ADAMTSL1: variants seen among roughly 807,000 people sequenced by gnomAD.
ADAMTSL1 encodes ADAMTS-like protein 1.
Under a neutral mutation model 201.8 loss-of-function variants are expected in ADAMTSL1, and 126 were observed. That is an observed-to-expected ratio of 0.62 (90% CI 0.54 to 0.72). ADAMTSL1 has a LOEUF of 0.72. ADAMTSL1 is among the 30% of genes least tolerant of loss of function. The pLI, the probability that ADAMTSL1 is intolerant of heterozygous loss-of-function variation, is 0.00. For missense variants in ADAMTSL1, 2,679 were observed against 2,277.8 expected, an observed-to-expected ratio of 1.18 and a Z score of -3.59; for synonymous variants, 1,121 against 903.4, an observed-to-expected ratio of 1.24 and a Z score of -4.32.
At chr9:18,045,620 A>G (rs925826728) in intron 1 of ADAMTSL1, among the ~76,000 whole-genome samples, 14 of 152,142 alleles carry the variant, frequency 9.2e-5, no homozygotes, top group African/African-American at 2.4e-4. Flanking sequence ...CCTTCCATAG[A>G]AATTCTCACA....
intron 1 of ADAMTSL1, among the ~76,000 whole-genome samples, chr9:17,947,516 C>A (rs1269905115): frequency 2.0e-5 from 3 of 152,012 alleles, no homozygotes; most frequent in African/African-American, 7.2e-5. Flanking sequence ...GTATTTGTAT[C>A]ACAAAAACAA....
At chr9:17,975,184 G>A (rs2131443236) in intron 1 of ADAMTSL1, among the ~76,000 whole-genome samples, 1 of 151,880 alleles carries the variant, frequency 6.6e-6, no homozygotes, top group Non-Finnish European at 1.5e-5. Context: ...GTCCATTCAG[G>A]TTCTTTGGCA....
intron 2 of ADAMTSL1, among the ~76,000 whole-genome samples, chr9:18,514,785 T>C (rs950634636): frequency 2.0e-5 from 3 of 152,220 alleles, no homozygotes; most frequent in Non-Finnish European, 4.4e-5. Context: ...CTTTTATTTA[T>C]TTTTCTTGTC....
At chr9:18,438,180 C>G (rs115876723) in intron 2 of ADAMTSL1, among the ~76,000 whole-genome samples, 2 of 149,128 alleles carry the variant, frequency 1.3e-5, no homozygotes, top group Admixed American at 6.7e-5. Flanking sequence ...ATTTACTGCA[C>G]GTTTCTAGTC....
At chr9:18,568,212 G>A (rs1449322064) in intron 3 of ADAMTSL1, among the ~76,000 whole-genome samples, 6 of 151,390 alleles carry the variant, frequency 4.0e-5, no homozygotes, top group African/African-American at 1.2e-4. Context: ...TTTTTTTTCC[G>A]AGAACAAAAT....
chr9:18,607,864 G>A (rs537749405), intron 4 of ADAMTSL1, among the ~76,000 whole-genome samples: 1 of 152,142 alleles, frequency 6.6e-6, no homozygotes, highest in South Asian at 2.1e-4. Context: ...TGCCGAGAAT[G>A]TTGGTTTCCA....
At chr9:18,499,546 G>A (rs914958141) in intron 1 of ADAMTSL1, among the ~76,000 whole-genome samples, 8 of 152,158 alleles carry the variant, frequency 5.3e-5, no homozygotes, top group Admixed American at 1.3e-4. Flanking sequence ...GCTCCACTTC[G>A]CATGGGCAGA....
intron 2 of ADAMTSL1, among the ~76,000 whole-genome samples, chr9:18,367,528 A>G (rs1836822846): frequency 6.6e-6 from 1 of 152,080 alleles, no homozygotes; most frequent in Non-Finnish European, 1.5e-5. Context: ...TGAATCTCTA[A>G]TACTATTTTA....
chr9:18,604,531 C>G (rs1376872886), intron 4 of ADAMTSL1, among the ~76,000 whole-genome samples: 1 of 151,916 alleles, frequency 6.6e-6, no homozygotes, highest in Non-Finnish European at 1.5e-5. Flanking sequence ...CTTTTTTTGT[C>G]TGGTTTATTT....
chr9:18,226,163 A>G (rs1830429303), intron 2 of ADAMTSL1, among the ~76,000 whole-genome samples: 1 of 152,144 alleles, frequency 6.6e-6, no homozygotes, highest in Non-Finnish European at 1.5e-5. Context: ...TAATGTAATT[A>G]ATTGTGTTTC....
chr9:18,788,197 A>C (rs183277106), intron 19 of ADAMTSL1, among the ~76,000 whole-genome samples: 1 of 152,328 alleles, frequency 6.6e-6, no homozygotes, highest in Non-Finnish European at 1.5e-5. Context: ...TGTACAAAAT[A>C]AAATTCTCCC....
chr9:18,512,738 T>C (rs1818109862), intron 2 of ADAMTSL1, among the ~76,000 whole-genome samples: 1 of 152,214 alleles, frequency 6.6e-6, no homozygotes, highest in African/African-American at 2.4e-5. Flanking sequence ...AAATATTTTA[T>C]ATGTATTGTT....
At chr9:17,970,829 T>C (rs1304191486) in intron 1 of ADAMTSL1, among the ~76,000 whole-genome samples, 2 of 152,028 alleles carry the variant, frequency 1.3e-5, no homozygotes, top group African/African-American at 4.8e-5. Context: ...AAAATATTTA[T>C]GTCTTTTCCC....
chr9:18,124,128 T>C (rs536082031), intron 1 of ADAMTSL1, among the ~76,000 whole-genome samples: 1 of 138,196 alleles, frequency 7.2e-6, no homozygotes, highest in East Asian at 2.4e-4. Context: ...CTGTCTCCAG[T>C]ATGGAGTGCA....
chr9:18,051,719 C>G (rs190957793), intron 1 of ADAMTSL1, among the ~76,000 whole-genome samples: 126 of 152,204 alleles, frequency 8.3e-4, no homozygotes, highest in African/African-American at 2.8e-3. Context: ...TGTTATGAAG[C>G]TTTTGTAAAG....
intron 1 of ADAMTSL1, among the ~76,000 whole-genome samples, chr9:18,498,424 C>T (rs1046019346): frequency 1.3e-5 from 2 of 150,788 alleles, no homozygotes; most frequent in Non-Finnish European, 3.0e-5. Context: ...GCAACCTTCA[C>T]CTCCTGGGTT....
intron 3 of ADAMTSL1, among the ~76,000 whole-genome samples, chr9:18,536,632 A>G (rs1819793240): frequency 6.6e-6 from 1 of 152,134 alleles, no homozygotes; most frequent in Non-Finnish European, 1.5e-5. Context: ...CTAAGGACAG[A>G]GTTTATCTAA....
chr9:18,204,749 T>C (rs1376960451), intron 2 of ADAMTSL1, among the ~76,000 whole-genome samples: 2 of 152,138 alleles, frequency 1.3e-5, no homozygotes, highest in Non-Finnish European at 2.9e-5. Flanking sequence ...GGGGAATCTA[T>C]TGGCTATAGT....
chr9:18,250,736 G>A (rs934171598), intron 2 of ADAMTSL1, among the ~76,000 whole-genome samples: 49 of 152,066 alleles, frequency 3.2e-4, no homozygotes, highest in African/African-American at 1.1e-3. Flanking sequence ...TTGTTCCTGG[G>A]AAGCTGGGGA....
Sources: allele counts gnomAD v4.1 joint callset (sites outside exome capture counted in the v4.1 genomes callset), GRCh38; gene constraint gnomAD v4.1.1; transcripts MANE v1.5; gene names NCBI Gene and HGNC (gene_info 2026-07-23, HGNC 2026-07-21).